The following GRB14 variants were observed in gnomAD, a reference collection of about 807,000 sequenced individuals.
The protein encoded by GRB14 is growth factor receptor-bound protein 14.
A neutral mutation model predicts 69.1 loss-of-function variants in GRB14; 38 were observed. The observed-to-expected ratio is 0.55, with a 90% CI of 0.42 to 0.72. GRB14 has a LOEUF of 0.72. GRB14 is among the 30% of genes least tolerant of loss of function. GRB14 has a pLI of 0.00. For missense variants in GRB14, 666 were observed against 666.1 expected, an observed-to-expected ratio of 1.00 and a Z score of 0.00; for synonymous variants, 247 against 241.3, an observed-to-expected ratio of 1.02 and a Z score of -0.22.
At chr2:164,562,207 C>T (rs568834283) in intron 2 of GRB14, among the ~76,000 whole-genome samples, 3 of 152,244 alleles carry the variant, frequency 2.0e-5, no homozygotes, top group South Asian at 4.1e-4. Context: ...ACTGAAGCAA[C>T]GTCTTAATAC....
chr2:164,621,437 T>C lies in GRB14; in HGVS notation c.-128A>G. 1 of 577,306 alleles carries C rather than the reference T, an allele frequency of 1.7e-6. No homozygotes were observed. The highest frequency in any genetic ancestry group is 2.3e-6 in the Non-Finnish European group (1 of 435,866). 35.8% of individuals were successfully genotyped at this position (577,306 alleles called of 1,614,324 possible). A position where few individuals can be genotyped will look rare whatever the true frequency, so the allele number is the denominator to read the frequency against. On this transcript the variant is annotated 5_prime_UTR_variant, in exon 1 of 14. Coordinates refer to ENST00000263915, the MANE Select transcript of GRB14 (RefSeq NM_004490.3). The surrounding 1 kb of genome is among the most constrained non-coding windows in gnomAD (Gnocchi z 6.0). ...CTGCAGGTGTGGTGGCCTCGCCGCC[T>C]GCGCTCGGGGCCCCGGCGGCTGAGA...
intron 2 of GRB14, among the ~76,000 whole-genome samples, chr2:164,557,195 G>A (rs1049355095): frequency 3.9e-4 from 59 of 152,138 alleles, no homozygotes; most frequent in African/African-American, 1.3e-3. Flanking sequence ...ACTCAGGAAA[G>A]AATAACCAGA....
intron 3 of GRB14, among the ~76,000 whole-genome samples, chr2:164,531,624 G>T (rs570733367): frequency 6.6e-6 from 1 of 152,260 alleles, no homozygotes; most frequent in African/African-American, 2.4e-5. Flanking sequence ...TCACTTGTGG[G>T]GACCCACCCT....
At chr2:164,527,176 AATATATATATATATATATATAT>A (rs57531034) in intron 3 of GRB14, 41 bp from the exon 4 acceptor site, 305 of 249,924 alleles carry the variant, frequency 1.2e-3, no homozygotes, top group Admixed American at 1.8e-3. Flanking sequence ...CAGATAGACA[AATATATATATATATATATATAT>A]ATATATATAT....
At chr2:164,603,063 G>A (rs1467703444) in intron 2 of GRB14, among the ~76,000 whole-genome samples, 1 of 152,192 alleles carries the variant, frequency 6.6e-6, no homozygotes, top group Non-Finnish European at 1.5e-5. Context: ...CATGATTAGA[G>A]AGGTGGTCCA....
At chr2:164,554,039 G>T (rs545624473) in intron 2 of GRB14, among the ~76,000 whole-genome samples, 1 of 152,032 alleles carries the variant, frequency 6.6e-6, no homozygotes, top group Non-Finnish European at 1.5e-5. Context: ...CTTGCCCAAA[G>T]AATTACTACA....
intron 9 of GRB14, among the ~76,000 whole-genome samples, chr2:164,499,247 G>A (rs903216324): frequency 2.0e-5 from 3 of 151,988 alleles, no homozygotes; most frequent in African/African-American, 7.3e-5. Flanking sequence ...TCTCCCTCTA[G>A]TATAGCAGGC....
chr2:164,615,966 A>C (rs1690281733), intron 2 of GRB14, among the ~76,000 whole-genome samples: 2 of 152,208 alleles, frequency 1.3e-5, no homozygotes, highest in African/African-American at 4.8e-5. Context: ...CATAAATTAG[A>C]AAAAAGAGAT....
chr2:164,502,391 A>G, intron 8 of GRB14, 56 bp from the exon 9 acceptor site: 1 of 970,442 alleles, frequency 1.0e-6, no homozygotes, highest in Non-Finnish European at 1.7e-6. Context: ...CTGATAATCT[A>G]TGAAAATCAA....
intron 2 of GRB14, among the ~76,000 whole-genome samples, chr2:164,592,411 G>T (rs1689687384): frequency 6.6e-6 from 1 of 152,172 alleles, no homozygotes; most frequent in South Asian, 2.1e-4. Flanking sequence ...TGGGATTACA[G>T]GCGTGAGCCA....
In GRB14 at chr2:164,497,296, G is replaced by A. The variant is rs1686928096; in HGVS notation, c.1222-13C>T. On this transcript the variant is annotated splice_polypyrimidine_tract_variant and intron_variant, in intron 10 of 13. Coordinates refer to ENST00000263915, the MANE Select transcript of GRB14 (RefSeq NM_004490.3). ...AACATCCTTTTTTCTGAGCAAGGAA[G>A]GAGAAAACAAATCTCAAGTTTTTAG... 5 of 1,610,462 alleles carry A rather than the reference G, an allele frequency of 3.1e-6. No homozygotes were observed. In the East Asian group the frequency reaches 1.1e-4, roughly 36 times the overall value.
chr2:164,619,758 G>A lies in GRB14; in HGVS notation c.253C>T (p.Leu85=). Residue 85 remains leucine (L), a synonymous_variant, in exon 2 of 14, where the codon CTA becomes TTA. Coordinates refer to ENST00000263915, the MANE Select transcript of GRB14 (RefSeq NM_004490.3). ...MPSIPNPFPE[L]CCSPFTSVLS... ...ACAGATGTAAATGGAGAACAGCATAGCTCAGGAAAAGGGTTTGGAATAGAT... is the reference window on the plus strand; with the variant it reads ...ACAGATGTAAATGGAGAACAGCATAACTCAGGAAAAGGGTTTGGAATAGAT... The A allele has an allele frequency of 6.2e-7, 1 of 1,609,524 alleles. No homozygotes were observed. Among genetic ancestry groups the A allele is most frequent in the Non-Finnish European group, 8.5e-7 (1 of 1,176,780 alleles).
At chr2:164,583,339 G>A (rs1689458494) in intron 2 of GRB14, among the ~76,000 whole-genome samples, 1 of 152,098 alleles carries the variant, frequency 6.6e-6, no homozygotes, top group Admixed American at 6.5e-5. Flanking sequence ...GAGAGTAAAA[G>A]GTAGAGAGAA....
intron 2 of GRB14, chr2:164,568,505 C>G (rs773870604): frequency 1.8e-6 from 2 of 1,109,034 alleles, no homozygotes; most frequent in Non-Finnish European, 2.2e-6. Flanking sequence ...TAAATGTCAC[C>G]CTGCTTATGT....
chr2:164,538,022 G>A lies in GRB14; in HGVS notation c.481+9638C>T, dbSNP rs572867522. On this transcript the variant is annotated intron_variant, in intron 3 of 13. Transcript: ENST00000263915. The stretch of plus-strand genomic sequence containing the variant: ...TTGTTAAAAAAAAAAAAGAGCGAAG[G>A]AGCAGCTTCCAAGCAGGAGGCTGTG... Among the ~76,000 whole-genome samples the A allele has an allele frequency of 1.1e-4, 17 of 152,112 alleles. No individual in the cohort carries two copies. The South Asian group carries it at 3.5e-3, about 32-fold the overall frequency.
chr2:164,525,038 G>T lies in GRB14; in HGVS notation c.644C>A (p.Thr215Asn). Residue 215 changes from threonine (T) to asparagine (N), a missense_variant, in exon 5 of 14, where the codon ACC becomes AAC. Transcript: ENST00000263915. ...PEHMVSFATE[T>N]NGEISPTQIL... The stretch of plus-strand genomic sequence containing the variant: ...CTGTGTGGGGGATATTTCACCATTG[G>T]TTTCAGTTGCAAAAGATACCATATG... 6.3e-7 allele frequency: 1 copy of T among 1,592,866 alleles called. No homozygotes were observed. Among genetic ancestry groups the T allele is most frequent in the Non-Finnish European group, 8.6e-7 (1 of 1,167,208 alleles).
chr2:164,537,674 G>A (rs781239549), intron 3 of GRB14, among the ~76,000 whole-genome samples: 10 of 152,172 alleles, frequency 6.6e-5, no homozygotes, highest in Admixed American at 1.3e-4. Flanking sequence ...TCATGTAGCC[G>A]AGGCTATAAG....
intron 2 of GRB14, among the ~76,000 whole-genome samples, chr2:164,550,608 A>G (rs564675841): frequency 6.6e-6 from 1 of 152,336 alleles, no homozygotes; most frequent in Non-Finnish European, 1.5e-5. Flanking sequence ...CCTTTGACCC[A>G]GCAATTTTTC....
chr2:164,565,426 T>C (rs1305485077), intron 2 of GRB14, among the ~76,000 whole-genome samples: 1 of 152,170 alleles, frequency 6.6e-6, no homozygotes, highest in Non-Finnish European at 1.5e-5. Context: ...GAATGGCAAT[T>C]ATACCCACCA....
Sources: gnomAD v4.1 joint callset for allele counts (sites outside exome capture counted in the v4.1 genomes callset) on GRCh38, gnomAD v4.1.1 for gene constraint, Gnocchi (gnomAD v3.1) non-coding constraint, MANE v1.5 for transcripts, NCBI Gene and HGNC (gene_info 2026-07-23, HGNC 2026-07-21) for gene names.